The following POLDIP3 variants were observed in gnomAD, a reference collection of about 807,000 sequenced individuals.
POLDIP3 encodes the protein DNA polymerase delta interacting protein 3.
A neutral mutation model predicts 45.1 loss-of-function variants in POLDIP3; 14 were observed. That is an observed-to-expected ratio of 0.31 (90% CI 0.20 to 0.49). The LOEUF (loss-of-function observed/expected upper bound fraction) is 0.49, where lower values mean the gene tolerates loss of function less well. POLDIP3 is among the 20% of genes least tolerant of loss of function. The pLI is 0.99. For synonymous variants in POLDIP3, 223 were observed against 205.2 expected, an observed-to-expected ratio of 1.09 and a Z score of -0.74; for missense variants, 511 against 538.8, an observed-to-expected ratio of 0.95 and a Z score of 0.51.
rs769722373 is a variant in POLDIP3 at position 42,585,842 on chromosome 22, G to A, written c.1215C>T (p.Ser405=). The A allele has an allele frequency of 1.2e-5, 19 of 1,613,034 alleles. No homozygotes were observed. The highest frequency in any genetic ancestry group is 1.6e-5 in the Non-Finnish European group (19 of 1,180,006). The part of the protein sequence containing the change: ...PDTILKALFK[S]SGASVTTQPT... ...GCTGCGTGGTCACAGAGGCCCCTGA[G>A]GACTTGAAGAGTGCCTTCAGGATGG... Residue 405 remains serine, a synonymous_variant, in exon 9 of 9, where the codon TCC becomes TCT. Coordinates refer to ENST00000252115, the MANE Select transcript of POLDIP3 (RefSeq NM_032311.5).
intron 4 of POLDIP3, among the ~76,000 whole-genome samples, chr22:42,598,273 A>G (rs1926124977): frequency 1.6e-5 from 2 of 126,294 alleles, no homozygotes; most frequent in African/African-American, 3.2e-5. Context: ...TTTTTTTGAG[A>G]CAGAGTCTCG....
At chr22:42,606,161 A>C (rs746183288) in intron 1 of POLDIP3, among the ~76,000 whole-genome samples, 31 of 151,932 alleles carry the variant, frequency 2.0e-4, no homozygotes, top group Non-Finnish European at 4.1e-4. Flanking sequence ...AAAGGACATG[A>C]TCAATGAAAA....
chr22:42,596,054 C>A (rs1479828082), intron 5 of POLDIP3, 132 bp downstream of exon 5: 5 of 990,608 alleles, frequency 5.0e-6, no homozygotes, highest in Non-Finnish European at 7.5e-6. Flanking sequence ...GTCCCTAGGT[C>A]TTGGTTTGCT....
chr22:42,612,428 G>A (rs1234717710), intron 1 of POLDIP3, among the ~76,000 whole-genome samples: 3 of 152,234 alleles, frequency 2.0e-5, no homozygotes, highest in Non-Finnish European at 4.4e-5. Flanking sequence ...TAGAGTCCCA[G>A]TGCTCACCTA....
chr22:42,598,924 T>G (rs1285898861), intron 4 of POLDIP3, among the ~76,000 whole-genome samples: 1 of 152,146 alleles, frequency 6.6e-6, no homozygotes, highest in Non-Finnish European at 1.5e-5. Flanking sequence ...TGACCAACAC[T>G]CTAGCCTAGC....
intron 4 of POLDIP3, among the ~76,000 whole-genome samples, chr22:42,599,309 A>C (rs1183975979): frequency 6.6e-6 from 1 of 152,260 alleles, no homozygotes; most frequent in Non-Finnish European, 1.5e-5. Context: ...TCTGCATTGA[A>C]AGGCTCTATT....
intron 2 of POLDIP3, 91 bp from the exon 3 acceptor site, chr22:42,602,147 A>G (rs774007811): frequency 3.8e-6 from 6 of 1,595,728 alleles, no homozygotes; most frequent in Admixed American, 3.4e-5. Flanking sequence ...CATGGTGGGC[A>G]TGCAGCTTTG....
Position 42,584,938 on chromosome 22 carries a change from G to A in POLDIP3, c.*853C>T, listed in dbSNP as rs759044793. 1 of 456,288 alleles carries A rather than the reference G, an allele frequency of 2.2e-6. No individual in the cohort carries two copies. Among genetic ancestry groups the A allele is most frequent in the South Asian group, 1.5e-5 (1 of 64,574 alleles). 28.3% of individuals were successfully genotyped at this position (456,288 alleles called of 1,614,324 possible). A position where few individuals can be genotyped will look rare whatever the true frequency, so the allele number is the denominator to read the frequency against. On this transcript the variant is annotated 3_prime_UTR_variant, in exon 9 of 9. Coordinates refer to ENST00000252115, the MANE Select transcript of POLDIP3 (RefSeq NM_032311.5). ...ACAATGGGAGGCTGAGCCTTTCAAA[G>A]GCCCAACCAGAAGAGAGCTGGCGGC...
At chr22:42,605,428 TTC>T (rs1926662972) in intron 1 of POLDIP3, among the ~76,000 whole-genome samples, 2 of 152,236 alleles carry the variant, frequency 1.3e-5, no homozygotes, top group South Asian at 4.1e-4. Flanking sequence ...GCCCGGCAGT[TTC>T]TGTTTTTTAT....
intron 1 of POLDIP3, among the ~76,000 whole-genome samples, chr22:42,604,474 G>A (rs1039536932): frequency 1.3e-5 from 2 of 152,178 alleles, no homozygotes; most frequent in African/African-American, 2.4e-5. Context: ...AACTCCATGG[G>A]TGATTCTGGA....
At chr22:42,592,807 A>G (rs1289402262) in intron 6 of POLDIP3, among the ~76,000 whole-genome samples, 1 of 152,222 alleles carries the variant, frequency 6.6e-6, no homozygotes, top group South Asian at 2.1e-4. Flanking sequence ...TTTTACAGAC[A>G]AGACGACTAA....
intron 1 of POLDIP3, chr22:42,603,529 T>C: frequency 9.8e-6 from 2 of 203,942 alleles, no homozygotes; most frequent in South Asian, 1.6e-4. Flanking sequence ...GGAGTAACTT[T>C]AGTTTCCAAG....
Position 42,584,788 on chromosome 22 carries a change from T to C in POLDIP3, c.*1003A>G. On this transcript the variant is annotated 3_prime_UTR_variant, in exon 9 of 9. Coordinates refer to ENST00000252115, the MANE Select transcript of POLDIP3 (RefSeq NM_032311.5). The stretch of plus-strand genomic sequence containing the variant: ...AGTGGGAACAAACAGTGCCCCTTGG[T>C]GGCAGCTGGATATATGCCTCCAGGC... The C allele has an allele frequency of 2.5e-6, 1 of 401,614 alleles. No homozygotes were observed. Among genetic ancestry groups the C allele is most frequent in the Non-Finnish European group, 4.9e-6 (1 of 203,408 alleles). The allele number at this position is 401,614 out of a possible 1,614,324, so 24.9% of individuals were successfully genotyped here. A position where few individuals can be genotyped will look rare whatever the true frequency, so the allele number is the denominator to read the frequency against.
intron 7 of POLDIP3, among the ~76,000 whole-genome samples, chr22:42,588,002 C>T (rs1050730008): frequency 1.3e-5 from 2 of 152,176 alleles, no homozygotes; most frequent in Admixed American, 6.5e-5. Flanking sequence ...CAAAGCATAA[C>T]ATGTGTAACG....
In POLDIP3 at chr22:42,609,788, T is replaced by C. The variant is rs904728832; in HGVS notation, c.59+5011A>G. On this transcript the variant is annotated intron_variant, in intron 1 of 8. Coordinates refer to ENST00000252115, the MANE Select transcript of POLDIP3 (RefSeq NM_032311.5). The stretch of plus-strand genomic sequence containing the variant: ...TTTAGGTGTGTGTTTAGGTCATTTT[T>C]ATAGAGAGAAAACAGCTTAATTCTA... 2.0e-5 allele frequency among the ~76,000 whole-genome samples: 3 copies of C among 152,100 alleles called. No homozygotes were observed. In the South Asian group the frequency reaches 6.2e-4, roughly 31 times the overall value.
intron 1 of POLDIP3, among the ~76,000 whole-genome samples, chr22:42,609,654 G>C (rs1028058144): frequency 2.6e-5 from 4 of 152,176 alleles, no homozygotes; most frequent in African/African-American, 9.7e-5. Context: ...ATGGGAGGCA[G>C]AGGTTGCCAT....
chr22:42,593,928 C>T (rs905221311), intron 6 of POLDIP3, among the ~76,000 whole-genome samples: 8 of 152,210 alleles, frequency 5.3e-5, no homozygotes, highest in African/African-American at 1.7e-4. Context: ...GAAGGAGATA[C>T]GAGTGACCCA....
intron 1 of POLDIP3, among the ~76,000 whole-genome samples, chr22:42,607,710 C>T (rs1394972991): frequency 6.6e-6 from 1 of 151,716 alleles, no homozygotes; most frequent in Non-Finnish European, 1.5e-5. Flanking sequence ...GGGAGAGCCT[C>T]TGCCCCGCTG....
At chr22:42,587,676 C>T in intron 7 of POLDIP3, 104 bp from the exon 8 acceptor site, 2 of 1,040,498 alleles carry the variant, frequency 1.9e-6, no homozygotes, top group Non-Finnish European at 3.0e-6. Flanking sequence ...GCACCCACCA[C>T]TGGCAGTTCT....
Sources: gnomAD v4.1 joint callset for allele counts (sites outside exome capture counted in the v4.1 genomes callset) on GRCh38, gnomAD v4.1.1 for gene constraint, MANE v1.5 for transcripts, NCBI Gene and HGNC (gene_info 2026-07-23, HGNC 2026-07-21) for gene names.